The following SBF2 variants were observed in gnomAD, a reference collection of about 807,000 sequenced individuals.
SBF2 encodes the protein myotubularin-related protein 13.
Under a neutral mutation model 225.2 loss-of-function variants are expected in SBF2, and 112 were observed. That is an observed-to-expected ratio of 0.50 (90% CI 0.43 to 0.58). The LOEUF (loss-of-function observed/expected upper bound fraction) is 0.58, where lower values mean the gene tolerates loss of function less well. Ranked by LOEUF, SBF2 falls within the 20% of genes least tolerant of loss-of-function variation. The probability of loss-of-function intolerance (pLI) is 0.00; values close to 1 mark genes in which losing one functional copy is unlikely to be tolerated. For missense variants in SBF2, 1,996 were observed against 2,206.2 expected (o/e 0.90, Z 1.91); for synonymous variants, 763 against 773.3 (o/e 0.99, Z 0.22).
chr11:9,911,231 G>A (rs1862590335), intron 16 of SBF2, among the ~76,000 whole-genome samples: 1 of 151,900 alleles, frequency 6.6e-6, no homozygotes, highest in Non-Finnish European at 1.5e-5. Flanking sequence ...AGTCGGGTGT[G>A]GTGGTGGGTG....
At chr11:10,298,838 G>A (rs902061544), upstream of SBF2, among the ~76,000 whole-genome samples, 6 of 152,114 alleles carry the variant, frequency 3.9e-5, no homozygotes, top group Non-Finnish European at 7.4e-5. Context: ...AGTTTGAGCC[G>A]TTATCACCTT....
intron 2 of SBF2, among the ~76,000 whole-genome samples, chr11:10,117,266 C>A (rs978576335): frequency 2.6e-5 from 4 of 151,730 alleles, no homozygotes; most frequent in Admixed American, 1.3e-4. Context: ...CATGGAGAAA[C>A]CCCGTGTCTA....
At chr11:9,825,009 C>G (rs1356300523) in intron 28 of SBF2, among the ~76,000 whole-genome samples, 7 of 152,124 alleles carry the variant, frequency 4.6e-5, no homozygotes, top group Non-Finnish European at 8.8e-5. Flanking sequence ...GTATCTTAAA[C>G]TTTAAAATAA....
At chr11:10,304,447 C>A (rs1964629543) in intron 1 of SBF2, among the ~76,000 whole-genome samples, 1 of 152,208 alleles carries the variant, frequency 6.6e-6, no homozygotes, top group African/African-American at 2.4e-5. Context: ...AATCCCAATT[C>A]TCAATTTAGC....
At position 9,780,318 on chromosome 11, in the gene SBF2, G is replaced by T. The variant is rs1424473067; in HGVS notation, c.*100C>A. 1 of 1,027,218 alleles carries T rather than the reference G, an allele frequency of 9.7e-7. No homozygotes were observed. Among genetic ancestry groups the T allele is most frequent in the Non-Finnish European group, 1.5e-6 (1 of 674,248 alleles). The allele number at this position is 1,027,218 out of a possible 1,614,324, so 63.6% of individuals were successfully genotyped here. A position where few individuals can be genotyped will look rare whatever the true frequency, so the allele number is the denominator to read the frequency against. ...CTGGGCAGGAGAACCTCAGGCCCTG[G>T]GATAACTTGTTGTCAGCTCCTCAAG... On this transcript the variant is annotated 3_prime_UTR_variant, in exon 40 of 40. Coordinates refer to ENST00000256190, the MANE Select transcript of SBF2 (RefSeq NM_030962.4).
intron 31 of SBF2, 103 bp downstream of exon 31, chr11:9,808,798 A>G (rs2133897810): frequency 1.1e-6 from 1 of 878,400 alleles, no homozygotes; most frequent in East Asian, 2.8e-5. Flanking sequence ...TTCTCTGTCC[A>G]TAAACACATT....
chr11:10,031,292 T>G, intron 3 of SBF2, 122 bp from the exon 4 acceptor site: 1 of 948,572 alleles, frequency 1.1e-6, no homozygotes, highest in East Asian at 2.8e-5. Context: ...AATATAATTT[T>G]AAAAATCAAA....
chr11:10,265,510 G>T (rs4307713), intron 1 of SBF2, among the ~76,000 whole-genome samples: 21,026 of 106,268 alleles, frequency 0.2, 2,716 homozygotes, highest in Non-Finnish European at 0.29. Context: ...GGGGAGAGGT[G>T]GGGGGGTATC....
chr11:9,932,951 G>T (rs1213672279), intron 16 of SBF2, among the ~76,000 whole-genome samples: 3 of 25,182 alleles, frequency 1.2e-4, no homozygotes, highest in East Asian at 5.3e-3. Context: ...CCAAGCAAAC[G>T]AAAAGCAAAA....
intron 2 of SBF2, among the ~76,000 whole-genome samples, chr11:10,073,314 A>T (rs925602590): frequency 3.9e-5 from 6 of 152,182 alleles, no homozygotes; most frequent in Non-Finnish European, 8.8e-5. Context: ...TTTTCATTTT[A>T]AAATTATTAA....
chr11:9,833,988 C>A (rs1469546311), intron 26 of SBF2, among the ~76,000 whole-genome samples: 1 of 147,612 alleles, frequency 6.8e-6, no homozygotes, highest in East Asian at 2.0e-4. Context: ...CAGGCTGTCT[C>A]GAACTCTCAA....
chr11:9,897,170 C>T (rs986295046), intron 16 of SBF2, among the ~76,000 whole-genome samples: 2 of 152,094 alleles, frequency 1.3e-5, no homozygotes, highest in Non-Finnish European at 2.9e-5. Context: ...AGCACACACA[C>T]ATAGATGCAT....
At chr11:10,156,377 G>A (rs759333248) in intron 2 of SBF2, among the ~76,000 whole-genome samples, 7 of 152,236 alleles carry the variant, frequency 4.6e-5, no homozygotes, top group Non-Finnish European at 7.3e-5. Flanking sequence ...CCTGGGCATC[G>A]TGGACAGCAT....
chr11:10,071,263 C>CTT (rs774979361), intron 2 of SBF2, among the ~76,000 whole-genome samples: 9,071 of 124,156 alleles, frequency 0.073, 628 homozygotes, highest in Non-Finnish European at 0.11. Context: ...TTCTCTCTCT[C>CTT]TCTTTTTTTT....
At chr11:10,152,369 G>T (rs1484574278) in intron 2 of SBF2, among the ~76,000 whole-genome samples, 1 of 114,650 alleles carries the variant, frequency 8.7e-6, no homozygotes, top group Non-Finnish European at 2.1e-5. Context: ...TGACCAACAT[G>T]GAGAAACCCC....
Position 9,904,790 on chromosome 11 carries a change from C to T in SBF2, c.1861-8779G>A, listed in dbSNP as rs377387240. On this transcript the variant is annotated intron_variant, in intron 16 of 39. Transcript: ENST00000256190. Reference sequence around the variant, plus strand: ...CTATAATCACAGAACTTTGGGAGGCCGAGGTGAGAGGATTGCTTGAGCTCA... The same window carrying T: ...CTATAATCACAGAACTTTGGGAGGCTGAGGTGAGAGGATTGCTTGAGCTCA... 5.9e-5 allele frequency among the ~76,000 whole-genome samples: 9 copies of T among 152,164 alleles called. No homozygotes were observed. The South Asian group carries it at 6.2e-4, about 11-fold the overall frequency.
In SBF2 at chr11:9,850,189, T is replaced by C. The variant is rs1484435476; in HGVS notation, c.2640A>G (p.Pro880=). 6.2e-7 allele frequency: 1 copy of C among 1,613,762 alleles called. No individual in the cohort carries two copies. Among genetic ancestry groups the C allele is most frequent in the Admixed American group, 1.7e-5 (1 of 60,016 alleles). ...KPKILRPALL[P]GEEIVCEGLR... is the part of the protein sequence containing the mutation. ...GACCCTCACAGACAATTTCTTCTCC[T>C]GGCAGCAGAGCAGGTCTAAGAATCT... is the stretch of plus-strand genomic sequence containing the variant. The change falls in exon 22 of 40, where the codon CCA becomes CCG. Residue 880 remains proline, a synonymous_variant. Coordinates refer to ENST00000256190, the MANE Select transcript of SBF2 (RefSeq NM_030962.4).
chr11:9,911,462 C>A (rs1279691665), intron 16 of SBF2, among the ~76,000 whole-genome samples: 1 of 151,674 alleles, frequency 6.6e-6, no homozygotes, highest in Non-Finnish European at 1.5e-5. Context: ...AATACCGTGG[C>A]TTTTAAGCTA....
intron 6 of SBF2, among the ~76,000 whole-genome samples, chr11:10,009,721 C>A (rs952632460): frequency 2.0e-5 from 3 of 152,156 alleles, no homozygotes; most frequent in East Asian, 1.9e-4. Context: ...AATAAACATA[C>A]GTGTGCATGT....
Sources: gnomAD v4.1 joint callset for allele counts (sites outside exome capture counted in the v4.1 genomes callset) on GRCh38, gnomAD v4.1.1 for gene constraint, MANE v1.5 for transcripts, NCBI Gene and HGNC (gene_info 2026-07-23, HGNC 2026-07-21) for gene names.